ADK: variants seen among roughly 807,000 people sequenced by gnomAD.
ADK encodes N6,N6-dimethyladenosine kinase.
A neutral mutation model predicts 44.7 loss-of-function variants in ADK; 24 were observed. The ratio of observed to expected loss-of-function variants is 0.54; its 90% CI spans 0.39 to 0.76. The LOEUF (loss-of-function observed/expected upper bound fraction) is 0.76. Among genes scored for constraint, ADK ranks in the 30% least tolerant of loss-of-function variants. The pLI is 0.00. For missense variants in ADK, 321 were observed against 425.1 expected (o/e 0.76, Z 2.15); for synonymous variants, 128 against 142.6 (o/e 0.90, Z 0.73).
intron 1 of ADK, among the ~76,000 whole-genome samples, chr10:74,168,200 G>T (rs902843160): frequency 2.6e-5 from 4 of 152,158 alleles, no homozygotes; most frequent in African/African-American, 9.7e-5. Flanking sequence ...TCCTGTAGTA[G>T]AACAGATGCT....
At chr10:74,177,031 T>A in intron 1 of ADK, 2 of 1,199,824 alleles carry the variant, frequency 1.7e-6, no homozygotes, top group Middle Eastern at 2.2e-4. Flanking sequence ...TCCGCACTTT[T>A]CATTTGGGCA....
At chr10:74,432,040 T>G (rs1432565507) in intron 6 of ADK, among the ~76,000 whole-genome samples, 1 of 151,758 alleles carries the variant, frequency 6.6e-6, no homozygotes, top group Non-Finnish European at 1.5e-5. Flanking sequence ...AAAATAATAA[T>G]AATAATATTT....
At chr10:74,644,496 G>T (rs982383127) in intron 9 of ADK, among the ~76,000 whole-genome samples, 5 of 152,160 alleles carry the variant, frequency 3.3e-5, no homozygotes, top group Non-Finnish European at 7.4e-5. Context: ...ACAAGCTATT[G>T]TTCAAACTTT....
chr10:74,331,121 A>G (rs1266320993), intron 4 of ADK, among the ~76,000 whole-genome samples: 1 of 152,194 alleles, frequency 6.6e-6, no homozygotes, highest in African/African-American at 2.4e-5. Context: ...TATGCAGCTA[A>G]TATTTTACAC....
intron 3 of ADK, among the ~76,000 whole-genome samples, chr10:74,301,988 T>C (rs1214609728): frequency 6.6e-6 from 1 of 151,986 alleles, no homozygotes; most frequent in Admixed American, 6.6e-5. Flanking sequence ...TGTACCCTTA[T>C]CCTGCAACAC....
In ADK at chr10:74,255,256, C is replaced by A. The variant is rs569522336; in HGVS notation, c.194+30665C>A. ...AGGAATAAAGTCTTGATTAGATGAC[C>A]TTTAATCCCCAAATCACCAGTGTGT... On this transcript the variant is annotated intron_variant, in intron 3 of 10. Coordinates refer to ENST00000539909, the MANE Select transcript of ADK (RefSeq NM_006721.4). Among the ~76,000 whole-genome samples the A allele has an allele frequency of 9.9e-5, 15 of 152,118 alleles. 2 individuals are homozygous for A. The highest frequency in any genetic ancestry group is 3.4e-4 in the African/African-American group (14 of 41,514).
At position 74,186,190 on chromosome 10, in the gene ADK, T is replaced by C. The variant is rs1014419441; in HGVS notation, c.66-14574T>C. ...CCTAAAGTCAAATCAGCCTTCCCTT[T>C]CCTTCCCTTCCCTTCCCTTCCCTTC... is the stretch of plus-strand genomic sequence containing the variant. On this transcript the variant is annotated intron_variant, in intron 1 of 10. Transcript: ENST00000539909. Among the ~76,000 whole-genome samples the C allele has an allele frequency of 7.0e-5, 10 of 143,668 alleles. No individual in the cohort carries two copies. The East Asian group carries it at 1.8e-3, about 26-fold the overall frequency. 94.3% of individuals were successfully genotyped at this position (143,668 alleles called of 152,430 possible).
intron 7 of ADK, among the ~76,000 whole-genome samples, chr10:74,562,368 A>T (rs1380782002): frequency 3.3e-5 from 5 of 152,224 alleles, no homozygotes; most frequent in Non-Finnish European, 7.3e-5. Context: ...TAGGAGTCTG[A>T]GTCTTGCTAC....
At chr10:74,703,982 G>A (rs1284478772) in intron 10 of ADK, among the ~76,000 whole-genome samples, 1 of 152,060 alleles carries the variant, frequency 6.6e-6, no homozygotes, top group East Asian at 1.9e-4. Context: ...TCTGAATTTG[G>A]AATCCTTTTC....
At chr10:74,158,880 T>A (rs1841823056) in intron 1 of ADK, among the ~76,000 whole-genome samples, 1 of 152,224 alleles carries the variant, frequency 6.6e-6, no homozygotes. Flanking sequence ...TTGATGTCAC[T>A]GAGTTATTAG....
At chr10:74,464,893 T>G (rs532531022) in intron 6 of ADK, among the ~76,000 whole-genome samples, 1 of 152,134 alleles carries the variant, frequency 6.6e-6, no homozygotes, top group Admixed American at 6.6e-5. Flanking sequence ...TGAAATGCAC[T>G]TAATGTAAAG....
intron 4 of ADK, among the ~76,000 whole-genome samples, chr10:74,325,921 TA>T (rs1269712884): frequency 6.6e-6 from 1 of 152,036 alleles, no homozygotes; most frequent in African/African-American, 2.4e-5. Context: ...AGAGGTGCTC[TA>T]CCTCCTGGAT....
At chr10:74,566,145 A>G (rs1049204355) in intron 7 of ADK, among the ~76,000 whole-genome samples, 3 of 140,376 alleles carry the variant, frequency 2.1e-5, no homozygotes, top group Non-Finnish European at 3.1e-5. Context: ...ACTTGTTTCT[A>G]TGTTCTTTCT....
At position 74,656,138 on chromosome 10, in the gene ADK, T is replaced by C. The variant is rs370174494; in HGVS notation, c.878-14045T>C. On this transcript the variant is annotated intron_variant, in intron 9 of 10. Coordinates refer to ENST00000539909, the MANE Select transcript of ADK (RefSeq NM_006721.4). ...TCTTGGATCACAAACACTGGTAAAATGATCAGATGGAGGAGGATGGCGGCT... is the reference window on the plus strand; with the variant it reads ...TCTTGGATCACAAACACTGGTAAAACGATCAGATGGAGGAGGATGGCGGCT... 6 of 329,774 alleles carry C rather than the reference T, an allele frequency of 1.8e-5. No individual in the cohort carries two copies. The East Asian group carries it at 2.9e-4, about 16-fold the overall frequency. 20.4% of individuals were successfully genotyped at this position (329,774 alleles called of 1,614,324 possible).
intron 4 of ADK, among the ~76,000 whole-genome samples, chr10:74,361,973 T>A (rs1263746481): frequency 6.6e-6 from 1 of 152,228 alleles, no homozygotes; most frequent in African/African-American, 2.4e-5. Context: ...TTCTTTCCTT[T>A]CAGTGATTTC....
chr10:74,257,594 ACTTTAGTCTTT>A lies in ADK; in HGVS notation c.194+33006_194+33016del, dbSNP rs1845875133. ...AATCATCTATACATAATCTATAGAT[ACTTTAGTCTTT>A]CTATATGACATTCTTATGGTGGTTT... On this transcript the variant is annotated intron_variant, in intron 3 of 10. Coordinates refer to ENST00000539909, the MANE Select transcript of ADK (RefSeq NM_006721.4). Among the ~76,000 whole-genome samples the A allele has an allele frequency of 3.3e-5, 5 of 152,330 alleles. No homozygotes were observed. In the South Asian group the frequency reaches 1.0e-3, roughly 32 times the overall value.
intron 9 of ADK, among the ~76,000 whole-genome samples, chr10:74,605,474 A>G (rs546697663): frequency 3.2e-4 from 49 of 152,270 alleles, no homozygotes; most frequent in South Asian, 1.2e-3. Context: ...ATTTTATCGA[A>G]GGCCTTTTCT....
At chr10:74,216,921 A>G (rs1029600343) in intron 2 of ADK, among the ~76,000 whole-genome samples, 1 of 152,180 alleles carries the variant, frequency 6.6e-6, no homozygotes, top group Non-Finnish European at 1.5e-5. Context: ...GCTCCGGTCT[A>G]CAGCTCCCAG....
intron 3 of ADK, among the ~76,000 whole-genome samples, chr10:74,252,104 C>T (rs897402724): frequency 3.9e-5 from 6 of 152,002 alleles, no homozygotes; most frequent in African/African-American, 1.5e-4. Flanking sequence ...GGAAAGGTAA[C>T]ACCTCCTCTC....
Sources: allele counts gnomAD v4.1 joint callset (sites outside exome capture counted in the v4.1 genomes callset), GRCh38; gene constraint gnomAD v4.1.1; transcripts MANE v1.5; gene names NCBI Gene and HGNC (gene_info 2026-07-23, HGNC 2026-07-21).